SCUBE1: variants seen among roughly 807,000 people sequenced by gnomAD.
SCUBE1 encodes the protein signal peptide, CUB and EGF-like domain-containing protein 1.
SCUBE1 carries 59 observed loss-of-function variants against 124.4 expected under a neutral mutation model. The ratio of observed to expected loss-of-function variants is 0.47; its 90% CI spans 0.38 to 0.59. The LOEUF is 0.59. SCUBE1 is among the 20% of genes least tolerant of loss of function. The probability of loss-of-function intolerance (pLI) is 0.00; values close to 1 mark genes in which losing one functional copy is unlikely to be tolerated. For missense variants in SCUBE1, 1,150 were observed against 1,371.2 expected, an observed-to-expected ratio of 0.84 and a Z score of 2.55; for synonymous variants, 545 against 550.9, an observed-to-expected ratio of 0.99 and a Z score of 0.15.
intron 3 of SCUBE1, among the ~76,000 whole-genome samples, chr22:43,296,860 G>C (rs940943592): frequency 6.6e-6 from 1 of 152,212 alleles, no homozygotes; most frequent in East Asian, 1.9e-4. Flanking sequence ...GGGGCTGGGA[G>C]ACCCCCTCGG....
At chr22:43,296,592 G>A (rs977943430) in intron 3 of SCUBE1, among the ~76,000 whole-genome samples, 6 of 152,220 alleles carry the variant, frequency 3.9e-5, no homozygotes, top group Admixed American at 2.0e-4. Context: ...TGAGAGAGAC[G>A]GGGGAGGTAG....
At chr22:43,313,521 T>A (rs1002392875) in intron 3 of SCUBE1, among the ~76,000 whole-genome samples, 1 of 152,250 alleles carries the variant, frequency 6.6e-6, no homozygotes, top group Non-Finnish European at 1.5e-5. Flanking sequence ...TTAGCCTAAA[T>A]ATTGCTCTGC....
In SCUBE1 at chr22:43,229,154, G is replaced by T. The variant is rs1244957519; in HGVS notation, c.1002C>A (p.Asp334Glu). Residue 334 changes from aspartate (D) to glutamate (E), a missense_variant, in exon 9 of 22, where the codon GAC becomes GAA. By Grantham distance (45) the Asp-to-Glu change is conservative (BLOSUM62 2). Transcript: ENST00000360835. ...IDECSFERTC[D>E]HICINSPGSF... ...TGCCCGGGGAGTTGATGCAGATGTG[G>T]TCACAGGTCCGCTCGAAGGAGCACT... is the stretch of plus-strand genomic sequence containing the variant. 1 of 1,614,026 alleles carries T rather than the reference G, an allele frequency of 6.2e-7. No homozygotes were observed. The highest frequency in any genetic ancestry group is 1.7e-5 in the Admixed American group (1 of 60,028).
At chr22:43,322,626 G>A (rs1460496486) in intron 2 of SCUBE1, among the ~76,000 whole-genome samples, 1 of 152,146 alleles carries the variant, frequency 6.6e-6, no homozygotes, top group East Asian at 1.9e-4. Flanking sequence ...TGACTCAGCA[G>A]CCCCCAAACT....
chr22:43,307,255 C>G lies in SCUBE1; in HGVS notation c.349+12682G>C, dbSNP rs144286169. ...GCTGTACAGCTCAGAGAGGTCTTCT[C>G]TAGGGGTTGACGCCTCACCTGAGTG... On this transcript the variant is annotated intron_variant, in intron 3 of 21. Coordinates refer to ENST00000360835, the MANE Select transcript of SCUBE1 (RefSeq NM_173050.5). Among the ~76,000 whole-genome samples, 951 of 152,332 alleles carry G rather than the reference C, an allele frequency of 6.2e-3. 6 individuals are homozygous for G. Among genetic ancestry groups the G allele is most frequent in the African/African-American group, 0.021 (882 of 41,576 alleles).
intron 21 of SCUBE1, 81 bp downstream of exon 21, chr22:43,207,453 G>C: frequency 1.8e-6 from 2 of 1,114,138 alleles, no homozygotes; most frequent in African/African-American, 1.5e-5. Context: ...CCAGGGGCCA[G>C]GGCTGGGGCA....
rs775661848 is a variant in SCUBE1 at position 43,255,499 on chromosome 22, C to T, written c.727+2720G>A. On this transcript the variant is annotated intron_variant, in intron 6 of 21. Coordinates refer to ENST00000360835, the MANE Select transcript of SCUBE1 (RefSeq NM_173050.5). The surrounding 1 kb of genome is among the most constrained non-coding windows in gnomAD (Gnocchi z 4.7). ...AAGAAAAGTGTTACCCATGAGTAGCCGCCGTTTCACCCGCTTGTCCACATC... is the reference window on the plus strand; with the variant it reads ...AAGAAAAGTGTTACCCATGAGTAGCTGCCGTTTCACCCGCTTGTCCACATC... The T allele has an allele frequency of 1.2e-5, 19 of 1,550,402 alleles. No individual in the cohort carries two copies. The highest frequency in any genetic ancestry group is 7.1e-5 in the South Asian group (6 of 84,060).
intron 3 of SCUBE1, 31 bp from the exon 4 acceptor site, chr22:43,291,211 G>T: frequency 6.3e-7 from 1 of 1,594,650 alleles, no homozygotes; most frequent in South Asian, 1.1e-5. Context: ...GGGGACCAGA[G>T]ATCACACCTA....
chr22:43,308,186 T>C (rs17003642), intron 3 of SCUBE1, among the ~76,000 whole-genome samples: 15,793 of 152,202 alleles, frequency 0.1, 1,733 homozygotes, highest in African/African-American at 0.26. Context: ...GGAGTCTCTT[T>C]CTCTCAGGCC....
chr22:43,244,089 G>A (rs913613304), intron 6 of SCUBE1, among the ~76,000 whole-genome samples: 10 of 152,166 alleles, frequency 6.6e-5, no homozygotes, highest in East Asian at 3.9e-4. Flanking sequence ...ATGGAGTGGC[G>A]GGGGGCATGA....
chr22:43,327,837 A>T (rs1018011688), intron 2 of SCUBE1, among the ~76,000 whole-genome samples: 2 of 152,256 alleles, frequency 1.3e-5, no homozygotes, highest in Non-Finnish European at 2.9e-5. Flanking sequence ...TGATTGTGGT[A>T]GTGGACTGGC....
At chr22:43,331,299 G>A (rs540307022) in intron 2 of SCUBE1, among the ~76,000 whole-genome samples, 1 of 152,128 alleles carries the variant, frequency 6.6e-6, no homozygotes, top group Non-Finnish European at 1.5e-5. Flanking sequence ...ATGGCCATAA[G>A]GTTGTCATGT....
At chr22:43,254,252 C>T (rs1183353327) in intron 6 of SCUBE1, among the ~76,000 whole-genome samples, 2 of 152,142 alleles carry the variant, frequency 1.3e-5, no homozygotes, top group Admixed American at 6.5e-5. Flanking sequence ...GAGGGCCACA[C>T]CTGTCCTGTC....
chr22:43,223,506 T>G (rs1922185540), intron 10 of SCUBE1, among the ~76,000 whole-genome samples: 1 of 152,120 alleles, frequency 6.6e-6, no homozygotes, highest in Admixed American at 6.5e-5. Context: ...GGCTGAGCTC[T>G]CCAGGGCAGG....
At chr22:43,245,626 C>T (rs1244670546) in intron 6 of SCUBE1, among the ~76,000 whole-genome samples, 1 of 152,192 alleles carries the variant, frequency 6.6e-6, no homozygotes, top group Non-Finnish European at 1.5e-5. Context: ...TCCCCAAGGG[C>T]CACCCAGGCC....
Position 43,210,119 on chromosome 22 carries a change from C to T in SCUBE1, c.2505G>A (p.Arg835=). ...VWHIAPPPKR[R]ILIVVPEIFL... is the part of the protein sequence containing the mutation. ...AGATCTCAGGGACCACGATGAGGAT[C>T]CTGCGCTTTGGGGGAGGCGCGATGT... The change falls in exon 19 of 22, where the codon AGG becomes AGA. Residue 835 remains arginine (R), a synonymous_variant. Transcript: ENST00000360835. This position sits in a 1 kb window ranked among gnomAD's most constrained non-coding sequence, Gnocchi z 4.5. The T allele has an allele frequency of 6.2e-7, 1 of 1,612,968 alleles. No homozygotes were observed. The highest frequency in any genetic ancestry group is 8.5e-7 in the Non-Finnish European group (1 of 1,179,662).
chr22:43,283,690 C>T (rs1054541807), intron 4 of SCUBE1: 2 of 152,224 alleles, frequency 1.3e-5, no homozygotes, highest in Non-Finnish European at 2.9e-5. Context: ...CGTCCAGCTA[C>T]CGGTCTGGAT....
At chr22:43,286,965 A>C (rs1236178679) in intron 4 of SCUBE1, among the ~76,000 whole-genome samples, 1 of 152,232 alleles carries the variant, frequency 6.6e-6, no homozygotes, top group Non-Finnish European at 1.5e-5. Flanking sequence ...CAGAAGTTAC[A>C]GACAAGAAGA....
rs150012346 is a variant in SCUBE1 at position 43,242,081 on chromosome 22, G to A, written c.728-3127C>T. Reference sequence around the variant, plus strand: ...TAGAGGTTCACTATAAATGCAAGACGGGTAGAGGGAACAACAGTGAAACTG... The same window carrying A: ...TAGAGGTTCACTATAAATGCAAGACAGGTAGAGGGAACAACAGTGAAACTG... On this transcript the variant is annotated intron_variant, in intron 6 of 21. Coordinates refer to ENST00000360835, the MANE Select transcript of SCUBE1 (RefSeq NM_173050.5). Among the ~76,000 whole-genome samples the A allele has an allele frequency of 1.7e-4, 26 of 152,340 alleles. No homozygotes were observed. In the East Asian group the frequency reaches 3.9e-3, roughly 23 times the overall value.
Sources: allele counts gnomAD v4.1 joint callset (sites outside exome capture counted in the v4.1 genomes callset), GRCh38; gene constraint gnomAD v4.1.1; non-coding constraint Gnocchi (gnomAD v3.1); transcripts MANE v1.5; gene names NCBI Gene and HGNC (gene_info 2026-07-23, HGNC 2026-07-21).